Variants in EPB41L2 observed in about 807,000 individuals in gnomAD.
EPB41L2 encodes the protein band 4.1-like protein 2.
EPB41L2 carries 43 observed loss-of-function variants against 113.0 expected under a neutral mutation model. The observed-to-expected ratio is 0.38, with a 90% CI of 0.30 to 0.49. EPB41L2 has a LOEUF of 0.49. Ranked by LOEUF, EPB41L2 falls within the 20% of genes least tolerant of loss-of-function variation. The probability of loss-of-function intolerance (pLI) is 0.95; values close to 1 mark genes in which losing one functional copy is unlikely to be tolerated. For synonymous variants in EPB41L2, 442 were observed against 436.7 expected, an observed-to-expected ratio of 1.01 and a Z score of -0.15; for missense variants, 1,147 against 1,223.4, an observed-to-expected ratio of 0.94 and a Z score of 0.93.
chr6:130,899,158 C>G (rs1795539645), intron 8 of EPB41L2, among the ~76,000 whole-genome samples: 1 of 151,302 alleles, frequency 6.6e-6, no homozygotes, highest in East Asian at 1.9e-4. Flanking sequence ...GGAACTGGGA[C>G]AGACACAGCA....
intron 1 of EPB41L2, among the ~76,000 whole-genome samples, chr6:131,051,533 T>G (rs1796558267): frequency 6.7e-6 from 1 of 149,662 alleles, no homozygotes; most frequent in Admixed American, 6.7e-5. Context: ...TCAACAAAAT[T>G]TTAGAAGATG....
chr6:130,846,240 G>A (rs558697599), intron 19 of EPB41L2, among the ~76,000 whole-genome samples: 3 of 152,256 alleles, frequency 2.0e-5, no homozygotes, highest in African/African-American at 7.2e-5. Context: ...CATACAGTTT[G>A]ATCATACAAC....
At chr6:130,950,021 T>C (rs965618203) in intron 3 of EPB41L2, among the ~76,000 whole-genome samples, 1 of 152,160 alleles carries the variant, frequency 6.6e-6, no homozygotes, top group African/African-American at 2.4e-5. Flanking sequence ...TGATTATTAG[T>C]AGTTACATGT....
chr6:130,910,444 T>C (rs1322849437), intron 4 of EPB41L2, among the ~76,000 whole-genome samples: 2 of 152,168 alleles, frequency 1.3e-5, no homozygotes, highest in African/African-American at 4.8e-5. Context: ...ACCTAGGCAA[T>C]ACCATTCAGG....
intron 12 of EPB41L2, 28 bp from the exon 13 acceptor site, chr6:130,880,234 GA>G: frequency 2.0e-6 from 3 of 1,529,106 alleles, no homozygotes; most frequent in Non-Finnish European, 2.7e-6. Context: ...ACACAGGGGG[GA>G]AAAGGCAAAT....
Position 130,900,112 on chromosome 6 carries a change from T to C in EPB41L2, c.1149-534A>G, listed in dbSNP as rs541033662. ...TCCTAAAGAGCAAGATCATGTCCCA[T>C]TAATTTTCACATTCCCCATGGCATG... On this transcript the variant is annotated intron_variant, in intron 7 of 19. Coordinates refer to ENST00000337057, the MANE Select transcript of EPB41L2 (RefSeq NM_001431.4). Among the ~76,000 whole-genome samples the C allele has an allele frequency of 1.2e-4, 18 of 152,344 alleles. No homozygotes were observed. In the East Asian group the frequency reaches 3.5e-3, roughly 29 times the overall value.
At chr6:130,899,638 A>G (rs1795739673) in intron 7 of EPB41L2, 60 bp from the exon 8 acceptor site, 1 of 1,475,260 alleles carries the variant, frequency 6.8e-7, no homozygotes, top group African/African-American at 1.4e-5. Flanking sequence ...TGTAGTCAGA[A>G]TGGGAGGAGT....
intron 1 of EPB41L2, among the ~76,000 whole-genome samples, chr6:131,060,855 G>C (rs1159491484): frequency 6.6e-5 from 10 of 151,998 alleles, no homozygotes; most frequent in Admixed American, 6.6e-4. Flanking sequence ...TTTCTACTTG[G>C]ACTTAAATTT....
rs906305609 is a variant in EPB41L2, at chr6:131,038,063, C to A, written c.-15+25092G>T. On this transcript the variant is annotated intron_variant, in intron 1 of 19. Coordinates refer to ENST00000337057, the MANE Select transcript of EPB41L2 (RefSeq NM_001431.4). ...AGTATCAATAAACACGTATGTGGAT[C>A]TTCATTTTTATATTTCTTTTTATTT... Among the ~76,000 whole-genome samples the A allele has an allele frequency of 2.8e-4, 43 of 152,010 alleles. 1 individual carries two copies. The highest frequency in any genetic ancestry group is 2.3e-3 in the Admixed American group (35 of 15,260).
intron 1 of EPB41L2, among the ~76,000 whole-genome samples, chr6:131,054,468 T>C (rs919349797): frequency 6.6e-6 from 1 of 152,222 alleles, no homozygotes; most frequent in Admixed American, 6.5e-5. Context: ...TGTTAGTTCC[T>C]CCAAGTTGGT....
intron 1 of EPB41L2, among the ~76,000 whole-genome samples, chr6:130,973,673 T>C (rs182199622): frequency 1.3e-5 from 2 of 152,298 alleles, no homozygotes; most frequent in Admixed American, 6.5e-5. Flanking sequence ...ATTGCCTCTT[T>C]TGGAGAGGCT....
chr6:130,895,037 A>G lies in EPB41L2; in HGVS notation c.1319T>C (p.Phe440Ser). The change falls in exon 9 of 20, where the codon TTT becomes TCT. Residue 440 changes from phenylalanine (F) to serine (S), a missense_variant. Physicochemically the swap from Phe to Ser is radical, Grantham distance 155. Transcript: ENST00000337057. ...IYKDRLRINR[F>S]AWPKILKISY... is the part of the protein sequence containing the mutation. ...AATTTTTAAGATTTTCGGCCAAGCAAAACGATTGATTCGCAGTCTGTCTTT... is the reference window on the plus strand; with the variant it reads ...AATTTTTAAGATTTTCGGCCAAGCAGAACGATTGATTCGCAGTCTGTCTTT... 1 of 1,614,058 alleles carries G rather than the reference A, an allele frequency of 6.2e-7. No homozygotes were observed. Among genetic ancestry groups the G allele is most frequent in the Non-Finnish European group, 8.5e-7 (1 of 1,179,922 alleles).
At chr6:130,885,917 CAT>C (rs1411515016) in intron 11 of EPB41L2, among the ~76,000 whole-genome samples, 1 of 152,186 alleles carries the variant, frequency 6.6e-6, no homozygotes, top group Non-Finnish European at 1.5e-5. Flanking sequence ...ACCTGGCCCT[CAT>C]GTGCTCTCTT....
intron 1 of EPB41L2, among the ~76,000 whole-genome samples, chr6:130,983,361 A>G (rs1438017063): frequency 6.6e-6 from 1 of 152,176 alleles, no homozygotes; most frequent in African/African-American, 2.4e-5. Flanking sequence ...TGTATCCTTA[A>G]GGTGATTGGT....
At chr6:130,960,764 C>T (rs192547615) in intron 1 of EPB41L2, among the ~76,000 whole-genome samples, 1 of 152,288 alleles carries the variant, frequency 6.6e-6, no homozygotes, top group East Asian at 1.9e-4. Flanking sequence ...TCCACTCACC[C>T]TAATTATCAT....
chr6:130,899,889 A>G (rs1411204559), intron 7 of EPB41L2, among the ~76,000 whole-genome samples: 2 of 152,224 alleles, frequency 1.3e-5, no homozygotes, highest in Non-Finnish European at 2.9e-5. Context: ...TAAGTACTGG[A>G]GAATAAAAAA....
At chr6:130,920,941 TC>T (rs1211675377) in intron 4 of EPB41L2, among the ~76,000 whole-genome samples, 1 of 152,096 alleles carries the variant, frequency 6.6e-6, no homozygotes, top group Non-Finnish European at 1.5e-5. Flanking sequence ...CTAGCATACC[TC>T]AAACTGCTGC....
At chr6:130,921,510 T>C (rs367619252) in intron 4 of EPB41L2, among the ~76,000 whole-genome samples, 4 of 152,138 alleles carry the variant, frequency 2.6e-5, no homozygotes, top group East Asian at 1.9e-4. Flanking sequence ...AACTGCCACA[T>C]CCTCCAGCCC....
intron 16 of EPB41L2, among the ~76,000 whole-genome samples, chr6:130,866,493 T>A (rs1441505432): frequency 6.6e-6 from 1 of 152,230 alleles, no homozygotes; most frequent in East Asian, 1.9e-4. Context: ...TGGCAACTTA[T>A]CACAGCACAG....
Sources: gnomAD v4.1 joint callset for allele counts (sites outside exome capture counted in the v4.1 genomes callset) on GRCh38, gnomAD v4.1.1 for gene constraint, MANE v1.5 for transcripts, NCBI Gene and HGNC (gene_info 2026-07-23, HGNC 2026-07-21) for gene names.